MEF2B: variants seen among roughly 807,000 people sequenced by gnomAD.
The protein encoded by MEF2B is myocyte-specific enhancer factor 2B.
Under a neutral mutation model 32.2 loss-of-function variants are expected in MEF2B, and 15 were observed. The observed-to-expected ratio is 0.47, with a 90% CI of 0.31 to 0.72. MEF2B has a LOEUF of 0.72. MEF2B is among the 30% of genes least tolerant of loss of function. The pLI is 0.05. For missense variants in MEF2B, 441 were observed against 511.5 expected (o/e 0.86, Z 1.33); for synonymous variants, 205 against 225.6 (o/e 0.91, Z 0.82).
rs1268417006 is a variant in MEF2B, at chr19:19,155,402, AT to A, written c.-29-4639del. 9.9e-5 allele frequency among the ~76,000 whole-genome samples: 15 copies of A among 152,150 alleles called. No homozygotes were observed. The South Asian group carries it at 1.2e-3, about 13-fold the overall frequency. On this transcript the variant is annotated intron_variant, in intron 1 of 8. Coordinates refer to ENST00000424583, the MANE Select transcript of MEF2B (RefSeq NM_001145785.2). ...GAGTCACCATCCTCCTCTAGGTCAG[AT>A]TCCATGGCATTGGGGGTATATATAT...
intron 1 of MEF2B, among the ~76,000 whole-genome samples, chr19:19,161,516 A>G (rs543752893): frequency 6.6e-6 from 1 of 151,876 alleles, no homozygotes; most frequent in South Asian, 2.1e-4. Context: ...CCCAAAACAC[A>G]TCCTATTCCC....
intron 1 of MEF2B, among the ~76,000 whole-genome samples, chr19:19,156,014 G>A (rs959710948): frequency 2.0e-5 from 3 of 152,222 alleles, no homozygotes; most frequent in African/African-American, 7.2e-5. Flanking sequence ...CTTCTTGGGG[G>A]AGGAGGCATG....
intron 2 of MEF2B, among the ~76,000 whole-genome samples, chr19:19,150,345 T>G: frequency 6.6e-6 from 1 of 151,782 alleles, no homozygotes; most frequent in South Asian, 2.1e-4. Flanking sequence ...CTGGCCCACA[T>G]GGTGAAACCC....
intron 1 of MEF2B, among the ~76,000 whole-genome samples, chr19:19,151,761 CTCT>C (rs1302446908): frequency 2.6e-5 from 4 of 152,108 alleles, no homozygotes; most frequent in Non-Finnish European, 4.4e-5. Context: ...CCTCAGTTTG[CTCT>C]TCTGTGAATG....
chr19:19,157,258 G>A (rs1290271067), intron 1 of MEF2B: 1 of 155,854 alleles, frequency 6.4e-6, no homozygotes, highest in Non-Finnish European at 1.5e-5. Flanking sequence ...CAATATTCAC[G>A]CAAGAGAAAT....
Position 19,147,090 on chromosome 19 carries a change from C to T in MEF2B, c.487G>A (p.Ala163Thr), listed in dbSNP as rs374422850. 6.5e-5 allele frequency: 104 copies of T among 1,609,066 alleles called. No individual in the cohort carries two copies. The highest frequency in any genetic ancestry group is 6.2e-4 in the Middle Eastern group (3 of 4,820). ...CGGAAGGGAGATGGGCGGCTCTGGGCGGGCAGTGCTTCCCCAAGCCCACTG... is the reference window on the plus strand; with the variant it reads ...CGGAAGGGAGATGGGCGGCTCTGGGTGGGCAGTGCTTCCCCAAGCCCACTG... ...DPSGLGEALPAQSRPSPFRPA... is the reference protein window; with the variant it reads ...DPSGLGEALPTQSRPSPFRPA... The change falls in exon 5 of 9, where the codon GCC becomes ACC. Residue 163 changes from alanine to threonine, a missense_variant. Ala to Thr is a moderately conservative substitution (Grantham distance 58). Transcript: ENST00000424583.
chr19:19,156,265 G>A (rs2060119551), intron 1 of MEF2B, among the ~76,000 whole-genome samples: 1 of 152,062 alleles, frequency 6.6e-6, no homozygotes, highest in Non-Finnish European at 1.5e-5. Flanking sequence ...CCATTAAAAA[G>A]GTAATAAAGT....
chr19:19,145,832 G>C lies in MEF2B; in HGVS notation c.1072C>G (p.Arg358Gly), dbSNP rs1371058058. The C allele has an allele frequency of 2.6e-6, 4 of 1,526,180 alleles. No homozygotes were observed. Among genetic ancestry groups the C allele is most frequent in the Non-Finnish European group, 3.5e-6 (4 of 1,133,216 alleles). The allele number at this position is 1,526,180 out of a possible 1,614,324, so 94.5% of individuals were successfully genotyped here. ...AEPLRPGPALRRLPLADGWPR is the reference protein window; with the variant it reads ...AEPLRPGPALGRLPLADGWPR ...CAGCCGTCGGCCAAGGGCAGCCGGCGCAGGGCGGGCCCAGGCCGCAGAGGC... is the reference window on the plus strand; with the variant it reads ...CAGCCGTCGGCCAAGGGCAGCCGGCCCAGGGCGGGCCCAGGCCGCAGAGGC... Residue 358 changes from arginine (R) to glycine (G), a missense_variant, in exon 9 of 9, where the codon CGC becomes GGC. Arg to Gly is a moderately radical substitution (Grantham distance 125). Around this residue, in one of 2 missense-constraint regions of MEF2B, gnomAD observed 326 missense variants for 328.4 expected, o/e 0.99. Transcript: ENST00000424583. This position sits in a 1 kb window ranked among gnomAD's most constrained non-coding sequence, Gnocchi z 4.6.
At chr19:19,162,617 C>T (rs2060173309) in intron 1 of MEF2B, among the ~76,000 whole-genome samples, 1 of 152,178 alleles carries the variant, frequency 6.6e-6, no homozygotes, top group Non-Finnish European at 1.5e-5. Flanking sequence ...GAAAGTGAGG[C>T]CCAGTGGGGA....
chr19:19,167,172 G>A (rs944992925), intron 1 of MEF2B, among the ~76,000 whole-genome samples: 1 of 152,128 alleles, frequency 6.6e-6, no homozygotes, highest in African/African-American at 2.4e-5. Context: ...CCAACATGGT[G>A]AAACTCTGTC....
Position 19,145,722 on chromosome 19 carries a change from T to C in MEF2B, c.*75A>G. The C allele has an allele frequency of 6.4e-7, 1 of 1,556,612 alleles. No homozygotes were observed. The highest frequency in any genetic ancestry group is 8.7e-7 in the Non-Finnish European group (1 of 1,150,380). ...CTGTTGGGTCTTCTCTGAAGAGGCC[T>C]GGAGGGAGGTGGGGTCCCCACGTGC... On this transcript the variant is annotated 3_prime_UTR_variant, in exon 9 of 9. Transcript: ENST00000424583. The surrounding 1 kb of genome is among the most constrained non-coding windows in gnomAD (Gnocchi z 4.6).
At chr19:19,159,674 C>T (rs550812707) in intron 1 of MEF2B, among the ~76,000 whole-genome samples, 2 of 152,166 alleles carry the variant, frequency 1.3e-5, no homozygotes, top group Admixed American at 1.3e-4. Context: ...AAAAGAAGAG[C>T]TCAGGAGTGC....
chr19:19,156,002 A>C (rs2060117721), intron 1 of MEF2B, among the ~76,000 whole-genome samples: 1 of 152,098 alleles, frequency 6.6e-6, no homozygotes, highest in Non-Finnish European at 1.5e-5. Context: ...AACCCAGGAG[A>C]GCTTCTTGGG....
At chr19:19,156,281 G>A (rs2060119670) in intron 1 of MEF2B, among the ~76,000 whole-genome samples, 1 of 152,038 alleles carries the variant, frequency 6.6e-6, no homozygotes, top group South Asian at 2.1e-4. Context: ...AAAGTGGGCT[G>A]GGCATGATGG....
At position 19,147,094 on chromosome 19, in the gene MEF2B, C is replaced by T. The variant is rs1414793037; in HGVS notation, c.483G>A (p.Leu161=). 6.2e-7 allele frequency: 1 copy of T among 1,609,156 alleles called. No homozygotes were observed. The change falls in exon 5 of 9, where the codon CTG becomes CTA. Residue 161 remains leucine (L), a synonymous_variant. Coordinates refer to ENST00000424583, the MANE Select transcript of MEF2B (RefSeq NM_001145785.2). ...GCDPSGLGEA[L]PAQSRPSPFR... ...AGGGAGATGGGCGGCTCTGGGCGGG[C>T]AGTGCTTCCCCAAGCCCACTGGGGT...
chr19:19,156,678 G>T (rs527838309), intron 1 of MEF2B, among the ~76,000 whole-genome samples: 1 of 152,184 alleles, frequency 6.6e-6, no homozygotes, highest in South Asian at 2.1e-4. Flanking sequence ...TTGAGATGGG[G>T]TCTTCCTCTG....
chr19:19,152,612 G>A (rs1281728743), intron 1 of MEF2B, among the ~76,000 whole-genome samples: 2 of 152,190 alleles, frequency 1.3e-5, no homozygotes, highest in Non-Finnish European at 2.9e-5. Flanking sequence ...GCTGAGGCAG[G>A]AGAATCCCTT....
chr19:19,149,302 T>C lies in MEF2B; in HGVS notation c.182A>G (p.Asp61Gly). ...ANRLFQYAST[D>G]MDRVLLKYTE... ...GTACTTCAGCAGCACACGGTCCATG[T>C]CCGTGCTGGCATACTGGAAGAGGCG... Residue 61 changes from aspartate (D) to glycine (G), a missense_variant, in exon 3 of 9, where the codon GAC (aspartate) becomes GGC (glycine). Coordinates refer to ENST00000424583, the MANE Select transcript of MEF2B (RefSeq NM_001145785.2). 1 of 1,613,866 alleles carries C rather than the reference T, an allele frequency of 6.2e-7. No homozygotes were observed. Among genetic ancestry groups the C allele is most frequent in the Non-Finnish European group, 8.5e-7 (1 of 1,179,984 alleles).
chr19:19,148,381 C>T (rs898416410), intron 3 of MEF2B, among the ~76,000 whole-genome samples: 9 of 152,196 alleles, frequency 5.9e-5, no homozygotes, highest in African/African-American at 2.2e-4. Context: ...AGGAGAATCA[C>T]TTGAATCCGA....
Sources: allele counts gnomAD v4.1 joint callset (sites outside exome capture counted in the v4.1 genomes callset), GRCh38; gene constraint gnomAD v4.1.1; regional missense constraint gnomAD v4.1.1; non-coding constraint Gnocchi (gnomAD v3.1); transcripts MANE v1.5; gene names NCBI Gene and HGNC (gene_info 2026-07-23, HGNC 2026-07-21).